CSMD1: variants seen among roughly 807,000 people sequenced by gnomAD.
CSMD1 encodes CUB and sushi domain-containing protein 1.
Under a neutral mutation model 417.5 loss-of-function variants are expected in CSMD1, and 213 were observed. The ratio of observed to expected loss-of-function variants is 0.51; its 90% CI spans 0.46 to 0.57. The LOEUF is 0.57. CSMD1 is among the 20% of genes least tolerant of loss of function. CSMD1 has a pLI of 0.00. For missense variants in CSMD1, 6,923 were observed against 4,529.7 expected (o/e 1.53, Z -15.17); for synonymous variants, 2,862 against 1,736.8 (o/e 1.65, Z -16.11).
intron 4 of CSMD1, among the ~76,000 whole-genome samples, chr8:4,011,768 A>C (rs1204397136): frequency 1.3e-5 from 2 of 152,200 alleles, no homozygotes; most frequent in Non-Finnish European, 2.9e-5. Flanking sequence ...GTTACATCTT[A>C]TACAAGTGTA....
chr8:3,061,486 G>T (rs116210910), intron 49 of CSMD1, among the ~76,000 whole-genome samples: 1,751 of 152,236 alleles, frequency 0.012, 36 homozygotes, highest in African/African-American at 0.04. Flanking sequence ...ATCCCCTTAT[G>T]CCACTGTCAA....
intron 37 of CSMD1, among the ~76,000 whole-genome samples, chr8:3,172,621 G>A (rs1315271432): frequency 6.6e-6 from 1 of 152,120 alleles, no homozygotes; most frequent in Non-Finnish European, 1.5e-5. Context: ...TATAATTGGT[G>A]GTGCACGTAG....
At chr8:4,208,469 G>C (rs895364567) in intron 3 of CSMD1, among the ~76,000 whole-genome samples, 1 of 152,126 alleles carries the variant, frequency 6.6e-6, no homozygotes, top group Non-Finnish European at 1.5e-5. Flanking sequence ...ATTGATAATT[G>C]ATGTTTCTAT....
At chr8:4,951,773 C>G (rs1214437490) in intron 1 of CSMD1, among the ~76,000 whole-genome samples, 1 of 151,638 alleles carries the variant, frequency 6.6e-6, no homozygotes, top group East Asian at 1.9e-4. Context: ...CCTACCTTTC[C>G]TTAATATCTC....
At chr8:3,311,612 T>A (rs1255573617) in intron 23 of CSMD1, among the ~76,000 whole-genome samples, 3 of 152,224 alleles carry the variant, frequency 2.0e-5, no homozygotes, top group Non-Finnish European at 4.4e-5. Context: ...TTGAATACTG[T>A]ACAGGAAATG....
rs370230610 is a variant in CSMD1, at chr8:4,193,181, C to T, written c.416-161082G>A. 1.2e-4 allele frequency among the ~76,000 whole-genome samples: 19 copies of T among 152,276 alleles called. No individual in the cohort carries two copies. The South Asian group carries it at 2.7e-3, about 22-fold the overall frequency. On this transcript the variant is annotated intron_variant, in intron 3 of 69. Transcript: ENST00000635120. ...CCCAGTACCATGCATTTAACCTCAG[C>T]TCTTTGGAGTCATAAGCAGGGCTGA...
Position 4,477,449 on chromosome 8 carries a change from AAC to A in CSMD1, c.303-57386_303-57385del, listed in dbSNP as rs549597037. Among the ~76,000 whole-genome samples the A allele has an allele frequency of 6.1e-3, 926 of 152,360 alleles. 5 individuals are homozygous for A. Among genetic ancestry groups the A allele is most frequent in the Middle Eastern group, 0.024 (7 of 294 alleles). On this transcript the variant is annotated intron_variant, in intron 2 of 69. Transcript: ENST00000635120. The stretch of plus-strand genomic sequence containing the variant: ...GGGGCTCAGAAACTGAGTCTGGTAA[AAC>A]ACATGATTTTCAGATATTTATATTT...
At chr8:3,917,875 A>T (rs530991770) in intron 5 of CSMD1, among the ~76,000 whole-genome samples, 2 of 152,114 alleles carry the variant, frequency 1.3e-5, no homozygotes, top group South Asian at 4.2e-4. Context: ...AGGCCTTTAA[A>T]ATTTTACTTA....
At chr8:3,628,553 GA>G (rs550864140) in intron 7 of CSMD1, among the ~76,000 whole-genome samples, 195 of 152,298 alleles carry the variant, frequency 1.3e-3, no homozygotes, top group Admixed American at 3.4e-3. Flanking sequence ...GAGCTGGTTG[GA>G]TGCCACTGGG....
At chr8:4,177,339 A>G (rs1584963714) in intron 3 of CSMD1, among the ~76,000 whole-genome samples, 3 of 152,128 alleles carry the variant, frequency 2.0e-5, no homozygotes, top group African/African-American at 4.8e-5. Flanking sequence ...TACTGGGTAC[A>G]TAACGAAATG....
intron 10 of CSMD1, among the ~76,000 whole-genome samples, chr8:3,534,161 G>A (rs1267143539): frequency 2.0e-5 from 3 of 152,148 alleles, no homozygotes; most frequent in Non-Finnish European, 4.4e-5. Context: ...TACCCTTGAA[G>A]TAATTCCATC....
At chr8:3,908,384 G>T (rs1041732380) in intron 5 of CSMD1, among the ~76,000 whole-genome samples, 1 of 152,112 alleles carries the variant, frequency 6.6e-6, no homozygotes, top group Non-Finnish European at 1.5e-5. Context: ...TTCCCAATGG[G>T]AATCTGATAA....
At chr8:4,455,738 C>T (rs1387538162) in intron 2 of CSMD1, among the ~76,000 whole-genome samples, 2 of 151,442 alleles carry the variant, frequency 1.3e-5, no homozygotes, top group Non-Finnish European at 2.9e-5. Context: ...CAAGACCAGC[C>T]TGGCCAACAT....
chr8:4,169,094 G>C (rs367591307), intron 3 of CSMD1, among the ~76,000 whole-genome samples: 21 of 152,156 alleles, frequency 1.4e-4, no homozygotes, highest in Admixed American at 7.9e-4. Context: ...TGCTGGCTTA[G>C]TCCTTGAACC....
chr8:4,183,384 A>C (rs1395837367), intron 3 of CSMD1, among the ~76,000 whole-genome samples: 6 of 152,234 alleles, frequency 3.9e-5, no homozygotes, highest in Non-Finnish European at 5.9e-5. Context: ...TCTTTCAATA[A>C]GGAAGCTGAT....
chr8:3,819,271 A>G (rs1159004095), intron 5 of CSMD1, among the ~76,000 whole-genome samples: 1 of 152,154 alleles, frequency 6.6e-6, no homozygotes, highest in Admixed American at 6.5e-5. Context: ...TTCAGTTATA[A>G]GGAACTTCTC....
intron 2 of CSMD1, among the ~76,000 whole-genome samples, chr8:4,633,518 G>T (rs1472519914): frequency 6.6e-6 from 1 of 151,692 alleles, no homozygotes; most frequent in South Asian, 2.1e-4. Flanking sequence ...CAAAGTGCTG[G>T]GATTACAGGT....
chr8:3,634,173 G>A (rs950360952), intron 7 of CSMD1, among the ~76,000 whole-genome samples: 2 of 151,368 alleles, frequency 1.3e-5, no homozygotes, highest in African/African-American at 2.4e-5. Flanking sequence ...GCTTATGAGA[G>A]TGTCTTCGTT....
At position 3,091,523 on chromosome 8, in the gene CSMD1, G is replaced by C. The variant is rs936802418; in HGVS notation, c.7278C>G (p.Arg2426=). ...TAAACCTCATTTACTTACCTGCATA[G>C]CGAATCTTGAATCCTTTCTTACTGG... The part of the protein sequence containing the change: ...HATSKKGFKI[R]YAAPYCSLTH... The change falls in exon 48 of 70, where the codon CGC becomes CGG. Residue 2426 remains arginine, a synonymous_variant. Transcript: ENST00000635120. 2.2e-5 allele frequency: 35 copies of C among 1,601,364 alleles called. No homozygotes were observed. The highest frequency in any genetic ancestry group is 4.0e-5 in the African/African-American group (3 of 74,428).
Sources: allele counts gnomAD v4.1 joint callset (sites outside exome capture counted in the v4.1 genomes callset), GRCh38; gene constraint gnomAD v4.1.1; transcripts MANE v1.5; gene names NCBI Gene and HGNC (gene_info 2026-07-23, HGNC 2026-07-21).